Variants in GPC5 observed in about 807,000 individuals in gnomAD.
GPC5 encodes the protein glypican-5.
Under a neutral mutation model 53.9 loss-of-function variants are expected in GPC5, and 47 were observed. That is an observed-to-expected ratio of 0.87 (90% confidence interval 0.69 to 1.11). The LOEUF is 1.11. Among genes scored for constraint, GPC5 ranks in the 50% most tolerant of loss-of-function variants. The pLI is 0.00. For synonymous variants in GPC5, 286 were observed against 263.3 expected (o/e 1.09, Z -0.84); for missense variants, 748 against 713.1 (o/e 1.05, Z -0.56).
chr13:91,575,964 C>G (rs1362791489), intron 2 of GPC5, among the ~76,000 whole-genome samples: 1 of 151,942 alleles, frequency 6.6e-6, no homozygotes, highest in African/African-American at 2.4e-5. Flanking sequence ...TATTAGATGT[C>G]AATAATACAG....
chr13:91,863,835 A>G (rs1464779901), intron 5 of GPC5, among the ~76,000 whole-genome samples: 1 of 152,184 alleles, frequency 6.6e-6, no homozygotes, highest in African/African-American at 2.4e-5. Context: ...TTTAATGATT[A>G]ATGAATGAAA....
In GPC5 at chr13:91,571,898, CACATATTGTATATAT is replaced by C. The variant is rs1185861080; in HGVS notation, c.326-121285_326-121271del. Among the ~76,000 whole-genome samples the C allele has an allele frequency of 3.0e-3, 159 of 52,848 alleles. 6 individuals are homozygous for C. Among genetic ancestry groups the C allele is most frequent in the African/African-American group, 0.02 (126 of 6,280 alleles). The allele number at this position is 52,848 out of a possible 152,430, so 34.7% of individuals were successfully genotyped here. The stretch of plus-strand genomic sequence containing the variant: ...ATACACACATATACGTGTGTATATA[CACATATTGTATATAT>C]ACACATATTGTATATATACACACAT... On this transcript the variant is annotated intron_variant, in intron 2 of 7. Coordinates refer to ENST00000377067, the MANE Select transcript of GPC5 (RefSeq NM_004466.6).
rs148429007 is a variant in GPC5, at chr13:91,635,741, C to G, written c.326-57446C>G. Among the ~76,000 whole-genome samples, 255 of 152,232 alleles carry G rather than the reference C, an allele frequency of 1.7e-3. 2 individuals are homozygous for G. Among genetic ancestry groups the G allele is most frequent in the African/African-American group, 5.9e-3 (246 of 41,564 alleles). On this transcript the variant is annotated intron_variant, in intron 2 of 7. Transcript: ENST00000377067. The stretch of plus-strand genomic sequence containing the variant: ...AAATTGCCTATCTTTTTTCTCCCCA[C>G]TGATACACTGAAGCCAGGTATTCAG...
chr13:91,828,155 G>A (rs2038602846), intron 5 of GPC5, among the ~76,000 whole-genome samples: 1 of 151,976 alleles, frequency 6.6e-6, no homozygotes, highest in Admixed American at 6.6e-5. Flanking sequence ...GCTTTGTGTA[G>A]AGTGGAAAGA....
rs986364326 is a variant in GPC5, at chr13:92,862,618, T to C, written c.1562-3664T>C. ...TGGTGTCAGATATATCTAGTGGAGA[T>C]AGATAGACAGATAGATAGATAGATA... On this transcript the variant is annotated intron_variant, in intron 7 of 7. Transcript: ENST00000377067. 5.7e-5 allele frequency among the ~76,000 whole-genome samples: 8 copies of C among 139,880 alleles called. No homozygotes were observed. The East Asian group carries it at 8.9e-4, about 16-fold the overall frequency. The allele number at this position is 139,880 out of a possible 152,430, so 91.8% of individuals were successfully genotyped here. A position where few individuals can be genotyped will look rare whatever the true frequency, so the allele number is the denominator to read the frequency against.
chr13:92,508,827 AG>A (rs1880466526), intron 7 of GPC5, among the ~76,000 whole-genome samples: 1 of 152,240 alleles, frequency 6.6e-6, no homozygotes, highest in South Asian at 2.1e-4. Context: ...ACTGTATTTT[AG>A]GTTGTGCTAA....
In GPC5 at chr13:91,463,577, A is replaced by T. The variant is rs544854774; in HGVS notation, c.325+14655A>T. On this transcript the variant is annotated intron_variant, in intron 2 of 7. Coordinates refer to ENST00000377067, the MANE Select transcript of GPC5 (RefSeq NM_004466.6). ...GGCTATACAGCTATAGTAATTAAACATGTGGTATTGACGAAGGGATAGACA... is the reference window on the plus strand; with the variant it reads ...GGCTATACAGCTATAGTAATTAAACTTGTGGTATTGACGAAGGGATAGACA... 1.4e-3 allele frequency among the ~76,000 whole-genome samples: 209 copies of T among 152,234 alleles called. 1 individual carries two copies. Among genetic ancestry groups the T allele is most frequent in the African/African-American group, 4.5e-3 (185 of 41,562 alleles).
intron 7 of GPC5, among the ~76,000 whole-genome samples, chr13:92,325,964 C>T (rs958385509): frequency 1.3e-5 from 2 of 152,028 alleles, no homozygotes; most frequent in Non-Finnish European, 1.5e-5. Flanking sequence ...TAAACTTATC[C>T]AATGGTACAT....
chr13:92,448,952 G>T (rs1332192291), intron 7 of GPC5: 1 of 100,832 alleles, frequency 9.9e-6, no homozygotes, highest in Non-Finnish European at 2.1e-5. Flanking sequence ...CCTACTGTGA[G>T]GTCTATAACT....
chr13:91,686,973 A>G (rs550559986), intron 2 of GPC5, among the ~76,000 whole-genome samples: 2 of 152,066 alleles, frequency 1.3e-5, no homozygotes, highest in South Asian at 4.1e-4. Flanking sequence ...ATATGATTTA[A>G]TCTTTTAAAA....
At chr13:91,509,547 T>C (rs996608561) in intron 2 of GPC5, among the ~76,000 whole-genome samples, 2 of 151,728 alleles carry the variant, frequency 1.3e-5, no homozygotes, top group African/African-American at 4.8e-5. Context: ...ATTTTAGAAT[T>C]CTGGGAAAGC....
In GPC5 at chr13:92,688,061, A is replaced by C. The variant is rs1388575806; in HGVS notation, c.1562-178221A>C. ...TGTGTCTCTGCCCTGCTTTGGTATC[A>C]GAATGATGCTGGGCTCATAAAATGA... On this transcript the variant is annotated intron_variant, in intron 7 of 7. Coordinates refer to ENST00000377067, the MANE Select transcript of GPC5 (RefSeq NM_004466.6). Among the ~76,000 whole-genome samples, 3 of 90,646 alleles carry C rather than the reference A, an allele frequency of 3.3e-5. No individual in the cohort carries two copies. The East Asian group carries it at 2.7e-3, about 82-fold the overall frequency. The allele number at this position is 90,646 out of a possible 152,430, so 59.5% of individuals were successfully genotyped here. A position where few individuals can be genotyped will look rare whatever the true frequency, so the allele number is the denominator to read the frequency against.
At position 92,044,855 on chromosome 13, in the gene GPC5, C is replaced by T. The variant is rs2040968968; in HGVS notation, c.1402-99975C>T. On this transcript the variant is annotated intron_variant, in intron 6 of 7. Transcript: ENST00000377067. Reference sequence around the variant, plus strand: ...TTTCTTTGAATATGCCTACTTCTGGCAAAAAATTAAAACCCTGGCTTTGTC... The same window carrying T: ...TTTCTTTGAATATGCCTACTTCTGGTAAAAAATTAAAACCCTGGCTTTGTC... Among the ~76,000 whole-genome samples, 6 of 152,016 alleles carry T rather than the reference C, an allele frequency of 3.9e-5. No homozygotes were observed. The South Asian group carries it at 1.0e-3, about 26-fold the overall frequency.
At chr13:91,833,298 C>T (rs190392376) in intron 5 of GPC5, among the ~76,000 whole-genome samples, 10 of 152,184 alleles carry the variant, frequency 6.6e-5, no homozygotes, top group Non-Finnish European at 1.0e-4. Context: ...GATTCACAGC[C>T]GAATTCTACC....
At chr13:92,585,794 G>C (rs1014726079) in intron 7 of GPC5, among the ~76,000 whole-genome samples, 2 of 152,128 alleles carry the variant, frequency 1.3e-5, no homozygotes, top group East Asian at 1.9e-4. Flanking sequence ...TCATGATAGT[G>C]AGTAAGTCTC....
At chr13:92,756,351 A>G (rs1372021941) in intron 7 of GPC5, among the ~76,000 whole-genome samples, 1 of 152,104 alleles carries the variant, frequency 6.6e-6, no homozygotes, top group Non-Finnish European at 1.5e-5. Context: ...AGAGCTATCT[A>G]TGACAAACCC....
intron 6 of GPC5, among the ~76,000 whole-genome samples, chr13:91,950,285 T>TTC (rs1555299355): frequency 6.7e-6 from 1 of 149,762 alleles, no homozygotes; most frequent in South Asian, 2.1e-4. Flanking sequence ...TTTTTTTTTT[T>TTC]CATGAATTAG....
At chr13:91,997,427 C>T (rs1322316158) in intron 6 of GPC5, among the ~76,000 whole-genome samples, 1 of 152,182 alleles carries the variant, frequency 6.6e-6, no homozygotes, top group Non-Finnish European at 1.5e-5. Flanking sequence ...TGTAGATACA[C>T]TTTCCATTCC....
chr13:92,068,201 G>T (rs1300681814), intron 6 of GPC5, among the ~76,000 whole-genome samples: 5 of 151,804 alleles, frequency 3.3e-5, no homozygotes, highest in African/African-American at 1.2e-4. Context: ...CTGTTTAACT[G>T]ACTTGAAGAA....
Sources: gnomAD v4.1 joint callset for allele counts (sites outside exome capture counted in the v4.1 genomes callset) on GRCh38, gnomAD v4.1.1 for gene constraint, MANE v1.5 for transcripts, NCBI Gene and HGNC (gene_info 2026-07-23, HGNC 2026-07-21) for gene names.